The following NTM variants were observed in gnomAD, a reference collection of about 807,000 sequenced individuals.
The protein encoded by NTM is IgLON family member 2.
Under a neutral mutation model 42.1 loss-of-function variants are expected in NTM, and 13 were observed. The observed-to-expected ratio is 0.31, with a 90% CI of 0.20 to 0.49. The LOEUF (loss-of-function observed/expected upper bound fraction) is 0.49. Among genes scored for constraint, NTM ranks in the 20% least tolerant of loss-of-function variants. NTM has a pLI of 0.99. For synonymous variants in NTM, 187 were observed against 179.2 expected, an observed-to-expected ratio of 1.04 and a Z score of -0.35; for missense variants, 373 against 452.8, an observed-to-expected ratio of 0.82 and a Z score of 1.60.
chr11:131,637,907 ACT>A (rs1232815790), intron 1 of NTM, among the ~76,000 whole-genome samples: 4 of 151,992 alleles, frequency 2.6e-5, no homozygotes, highest in Non-Finnish European at 5.9e-5. Flanking sequence ...TGCTTTGCAG[ACT>A]CTGATTCTAG....
intron 4 of NTM, among the ~76,000 whole-genome samples, chr11:132,240,085 C>A (rs2139193334): frequency 6.6e-6 from 1 of 152,234 alleles, no homozygotes; most frequent in South Asian, 2.1e-4. Flanking sequence ...ATCCATCCAT[C>A]CATCCATCCA....
At chr11:132,156,962 G>A (rs2073324796) in intron 3 of NTM, among the ~76,000 whole-genome samples, 1 of 152,206 alleles carries the variant, frequency 6.6e-6, no homozygotes, top group Admixed American at 6.5e-5. Flanking sequence ...GACCCTCAGG[G>A]TTACAGTGAT....
intron 4 of NTM, among the ~76,000 whole-genome samples, chr11:132,307,216 CGTGTGT>C (rs989637654): frequency 6.6e-6 from 1 of 151,934 alleles, no homozygotes; most frequent in Non-Finnish European, 1.5e-5. Context: ...TTGTGATGCA[CGTGTGT>C]GTGTGTATGT....
chr11:132,236,001 C>T (rs1460088582), intron 4 of NTM, among the ~76,000 whole-genome samples: 2 of 140,824 alleles, frequency 1.4e-5, no homozygotes, highest in African/African-American at 5.1e-5. Flanking sequence ...CAGACACACA[C>T]ACACACACAC....
chr11:131,978,698 G>A (rs776398396), intron 2 of NTM, among the ~76,000 whole-genome samples: 3 of 152,272 alleles, frequency 2.0e-5, no homozygotes, highest in African/African-American at 7.2e-5. Flanking sequence ...CTAGAACCAT[G>A]CATCCTCTAC....
intron 1 of NTM, among the ~76,000 whole-genome samples, chr11:131,456,716 C>T (rs939336896): frequency 4.6e-5 from 7 of 152,314 alleles, no homozygotes; most frequent in African/African-American, 1.4e-4. Context: ...CCTGTCTACT[C>T]GTAAGGGCTT....
chr11:132,047,703 G>A (rs2078214304), intron 2 of NTM, among the ~76,000 whole-genome samples: 1 of 152,214 alleles, frequency 6.6e-6, no homozygotes, highest in Non-Finnish European at 1.5e-5. Flanking sequence ...ACAGACACAT[G>A]CCCTCCACAG....
chr11:131,729,043 C>G (rs1025452428), intron 1 of NTM, among the ~76,000 whole-genome samples: 1 of 152,144 alleles, frequency 6.6e-6, no homozygotes, highest in Non-Finnish European at 1.5e-5. Flanking sequence ...TAAGAAAGAA[C>G]TATTGATTTA....
intron 1 of NTM, chr11:131,771,652 C>T (rs1239614578): frequency 6.6e-6 from 1 of 152,232 alleles, no homozygotes; most frequent in Non-Finnish European, 1.5e-5. Flanking sequence ...TGTGTACACA[C>T]TGGATCTCAG....
intron 1 of NTM, among the ~76,000 whole-genome samples, chr11:131,384,710 A>C (rs1490975209): frequency 6.6e-6 from 1 of 152,154 alleles, no homozygotes. Flanking sequence ...GTACAGAAAG[A>C]AGTCTTGAAA....
chr11:132,141,371 C>A (rs762789418), intron 2 of NTM, among the ~76,000 whole-genome samples: 4 of 152,130 alleles, frequency 2.6e-5, no homozygotes, highest in Non-Finnish European at 5.9e-5. Context: ...CGGTGCACAT[C>A]TTGGGCTTGC....
Position 131,773,411 on chromosome 11 carries a change from G to A in NTM, c.83-138153G>A, listed in dbSNP as rs1591745949. Among the ~76,000 whole-genome samples, 5 of 152,210 alleles carry A rather than the reference G, an allele frequency of 3.3e-5. No individual in the cohort carries two copies. In the South Asian group the frequency reaches 1.0e-3, roughly 32 times the overall value. On this transcript the variant is annotated intron_variant, in intron 1 of 8. Coordinates refer to ENST00000683400, the MANE Select transcript of NTM (RefSeq NM_001352005.2). ...TATGTTCAAACCATAGCACTAGGGT[G>A]CCTATACTTACATTTCTTTTTCCTT...
chr11:131,751,459 G>A (rs1311246263), intron 1 of NTM, among the ~76,000 whole-genome samples: 5 of 151,858 alleles, frequency 3.3e-5, no homozygotes, highest in South Asian at 4.2e-4. Flanking sequence ...GCGCGGTGGC[G>A]GGCACCTGTA....
At chr11:132,159,120 CTG>C (rs2073803567) in intron 3 of NTM, among the ~76,000 whole-genome samples, 1 of 152,112 alleles carries the variant, frequency 6.6e-6, no homozygotes, top group African/African-American at 2.4e-5. Context: ...AGCAGGGAGA[CTG>C]AGAGAGAATG....
intron 2 of NTM, among the ~76,000 whole-genome samples, chr11:132,019,604 T>A (rs2074010091): frequency 6.6e-6 from 1 of 152,014 alleles, no homozygotes; most frequent in Non-Finnish European, 1.5e-5. Context: ...TAAAGTTTAT[T>A]TTTTTCTGGT....
intron 1 of NTM, among the ~76,000 whole-genome samples, chr11:131,592,761 G>T (rs1310021992): frequency 3.3e-5 from 5 of 151,354 alleles, no homozygotes; most frequent in African/African-American, 4.9e-5. Flanking sequence ...CTCTCTACCT[G>T]GTCTCCTTGC....
At chr11:131,589,362 C>A (rs775020898) in intron 1 of NTM, among the ~76,000 whole-genome samples, 3 of 152,088 alleles carry the variant, frequency 2.0e-5, no homozygotes, top group Non-Finnish European at 4.4e-5. Flanking sequence ...TGGAGACTCT[C>A]CTAAAGTCCT....
At chr11:131,980,228 G>A (rs2065034089) in intron 2 of NTM, among the ~76,000 whole-genome samples, 1 of 152,200 alleles carries the variant, frequency 6.6e-6, no homozygotes, top group South Asian at 2.1e-4. Context: ...TTGGTAGCCA[G>A]ATATGAAACA....
At chr11:131,698,331 T>G (rs1592607254) in intron 1 of NTM, among the ~76,000 whole-genome samples, 2 of 152,194 alleles carry the variant, frequency 1.3e-5, no homozygotes, top group African/African-American at 4.8e-5. Context: ...ATGACTCCTT[T>G]GTGTCCTGGG....
Sources: gnomAD v4.1 joint callset for allele counts (sites outside exome capture counted in the v4.1 genomes callset) on GRCh38, gnomAD v4.1.1 for gene constraint, MANE v1.5 for transcripts, NCBI Gene and HGNC (gene_info 2026-07-23, HGNC 2026-07-21) for gene names.